Variants in MAMLD1 observed in about 807,000 individuals in gnomAD.
The protein encoded by MAMLD1 is mastermind like domain containing 1, also known as mastermind-like domain-containing protein 1.
A neutral mutation model predicts 45.0 loss-of-function variants in MAMLD1; 14 were observed. That is an observed-to-expected ratio of 0.31 (90% confidence interval 0.21 to 0.49). The LOEUF is 0.49. MAMLD1 is among the 20% of genes least tolerant of loss of function. The pLI is 0.99. For synonymous variants in MAMLD1, 254 were observed against 247.8 expected (o/e 1.02, Z -0.24); for missense variants, 543 against 603.6 (o/e 0.90, Z 1.05).
chrX:150,480,577 C>T (rs1050796903), intron 5 of MAMLD1, among the ~76,000 whole-genome samples: 12 of 111,883 alleles, frequency 1.1e-4, no homozygotes, highest in Middle Eastern at 4.7e-3. Flanking sequence ...ACTCTTAACT[C>T]TCATCTCAGC....
At chrX:150,403,961 A>AAAG (rs1380234145) in intron 1 of MAMLD1, among the ~76,000 whole-genome samples, 2 of 86,484 alleles carry the variant, frequency 2.3e-5, no homozygotes, top group Non-Finnish European at 4.5e-5. Flanking sequence ...AGAAAGAAAG[A>AAAG]AAGAAAGAAA....
chrX:150,473,759 G>C lies in MAMLD1; in HGVS notation c.1997G>C (p.Ser666Thr). 1 of 1,208,322 alleles carries C rather than the reference G, an allele frequency of 8.3e-7. No individual in the cohort carries two copies. Residue 666 changes from serine (S) to threonine (T), a missense_variant, in exon 5 of 8, where the codon AGC becomes ACC. Coordinates refer to ENST00000370401, the MANE Select transcript of MAMLD1 (RefSeq NM_005491.5). ...CATCAACACGGGAACTCTTTCACTA[G>C]CAGGCAAGATCCTCAGCCTGGAGAC... ...PQHQHGNSFT[S>T]RQDPQPGDVS...
intron 1 of MAMLD1, among the ~76,000 whole-genome samples, chrX:150,434,262 T>C (rs2035046642): frequency 9.0e-6 from 1 of 111,525 alleles, no homozygotes; most frequent in Non-Finnish European, 1.9e-5. Context: ...CCTTTTGTCA[T>C]TTTTTATTAT....
At chrX:150,437,142 T>A (rs1412283873) in intron 1 of MAMLD1, among the ~76,000 whole-genome samples, 1 of 111,095 alleles carries the variant, frequency 9.0e-6, no homozygotes, top group Non-Finnish European at 1.9e-5. Context: ...AACACTGCAA[T>A]GGATGGTGCC....
intron 1 of MAMLD1, among the ~76,000 whole-genome samples, chrX:150,413,072 C>CT (rs1471866843): frequency 9.0e-6 from 1 of 111,222 alleles, no homozygotes; most frequent in African/African-American, 3.3e-5. Context: ...CCTATCACAA[C>CT]TCTCCTTTAG....
intron 2 of MAMLD1, 68 bp from the exon 3 acceptor site, chrX:150,462,704 C>A (rs1389347371): frequency 1.4e-6 from 1 of 721,239 alleles, no homozygotes; most frequent in South Asian, 2.1e-5. Flanking sequence ...TCTCACTGAG[C>A]TGGTGCAGGT....
At position 150,445,620 on chromosome X, in the gene MAMLD1, A is replaced by G; in HGVS notation, c.96+8A>G. ...AGAAAGCTCCAGGAATCGGTCAGAC[A>G]ATGGGCCATGGGGGGAGGGGGGTAT... On this transcript the variant is annotated splice_region_variant and intron_variant, in intron 2 of 7. Coordinates refer to ENST00000370401, the MANE Select transcript of MAMLD1 (RefSeq NM_005491.5). 8.7e-7 allele frequency: 1 copy of G among 1,153,005 alleles called. No individual in the cohort carries two copies. Among genetic ancestry groups the G allele is most frequent in the East Asian group, 3.0e-5 (1 of 33,558 alleles).
intron 6 of MAMLD1, chrX:150,509,287 C>A (rs1397579332): frequency 1.8e-5 from 2 of 112,805 alleles, no homozygotes; most frequent in South Asian, 3.7e-4. Context: ...CCAGGACCAC[C>A]AGGAACAAGC....
chrX:150,386,505 G>T (rs1377913614), intron 1 of MAMLD1, among the ~76,000 whole-genome samples: 1 of 111,433 alleles, frequency 9.0e-6, no homozygotes, highest in Non-Finnish European at 1.9e-5. Context: ...AATATCAAAA[G>T]AACTTTAAAA....
At chrX:150,467,532 T>C (rs2036261432) in intron 3 of MAMLD1, among the ~76,000 whole-genome samples, 1 of 112,668 alleles carries the variant, frequency 8.9e-6, no homozygotes, top group Admixed American at 9.4e-5. Context: ...ACCCATGGTA[T>C]TCAGGCCTCA....
At chrX:150,418,294 T>G (rs2034338573) in intron 1 of MAMLD1, among the ~76,000 whole-genome samples, 1 of 111,498 alleles carries the variant, frequency 9.0e-6, no homozygotes, top group Non-Finnish European at 1.9e-5. Flanking sequence ...ATCCCTTTTA[T>G]CATTTTTTAT....
chrX:150,500,355 C>T (rs1009933041), intron 5 of MAMLD1, among the ~76,000 whole-genome samples: 12 of 111,141 alleles, frequency 1.1e-4, no homozygotes, highest in African/African-American at 3.9e-4. Flanking sequence ...ACTGGGGGTA[C>T]GTGACATTAT....
In MAMLD1 at chrX:150,365,653, C is replaced by T. The variant is rs1409102421; in HGVS notation, c.-64+2123C>T. Among the ~76,000 whole-genome samples, 5 of 113,343 alleles carry T rather than the reference C, an allele frequency of 4.4e-5. 1 individual carries two copies. Among genetic ancestry groups the T allele is most frequent in the Non-Finnish European group, 5.6e-5 (3 of 53,377 alleles). ...AGGCCACCCGCGTCTGGCTACACGC[C>T]TCATTTCTTCCCGCGCCCTCCTGCC... On this transcript the variant is annotated intron_variant, in intron 1 of 7. Transcript: ENST00000370401.
At chrX:150,452,322 C>T (rs1043304982) in intron 2 of MAMLD1, among the ~76,000 whole-genome samples, 10 of 111,986 alleles carry the variant, frequency 8.9e-5, no homozygotes, top group South Asian at 3.8e-4. Context: ...TTGGGGTTAC[C>T]AAGATGAATA....
At chrX:150,368,880 G>A (rs1251309772) in intron 1 of MAMLD1, among the ~76,000 whole-genome samples, 7 of 111,734 alleles carry the variant, frequency 6.3e-5, no homozygotes, top group Non-Finnish European at 1.3e-4. Context: ...GTAGATGTGT[G>A]GTATTATTTC....
intron 6 of MAMLD1, chrX:150,504,847 G>A (rs1557408751): frequency 2.7e-6 from 2 of 752,526 alleles, no homozygotes; most frequent in Admixed American, 8.8e-5. Context: ...TGAGGGTCAG[G>A]CCTGGCATCC....
Position 150,503,503 on chromosome X carries a change from G to C in MAMLD1, c.2270G>C (p.Ser757Thr), listed in dbSNP as rs1557408668. 8.9e-7 allele frequency: 1 copy of C among 1,122,082 alleles called. No homozygotes were observed. The highest frequency in any genetic ancestry group is 1.2e-6 in the Non-Finnish European group (1 of 818,338). 92.5% of individuals were successfully genotyped at this position (1,122,082 alleles called of 1,213,427 possible). ...CAGGTGCCCGCTCCACTACTGCCTAGCTGCGACGCCACAGGTAAGTCACTT... is the reference window on the plus strand; with the variant it reads ...CAGGTGCCCGCTCCACTACTGCCTACCTGCGACGCCACAGGTAAGTCACTT... ...WRQVPAPLLP[S>T]CDATARGTEI... Residue 757 changes from serine to threonine, a missense_variant, in exon 6 of 8, where the codon AGC becomes ACC. Ser to Thr is a moderately conservative substitution (Grantham distance 58, BLOSUM62 1). Coordinates refer to ENST00000370401, the MANE Select transcript of MAMLD1 (RefSeq NM_005491.5).
intron 6 of MAMLD1, among the ~76,000 whole-genome samples, chrX:150,507,840 T>C (rs2037778354): frequency 8.9e-6 from 1 of 112,290 alleles, no homozygotes; most frequent in African/African-American, 3.2e-5. Flanking sequence ...CTTCCCCTGC[T>C]GTTTCCTTAG....
chrX:150,430,019 C>CTTTTTTTTTTTTTTTTTTTTTTTTTT (rs1174092962), intron 1 of MAMLD1, among the ~76,000 whole-genome samples: 159 of 49,202 alleles, frequency 3.2e-3, no homozygotes, highest in East Asian at 5.7e-3. Flanking sequence ...TCTTTCTTTT[C>CTTTTTTTTTTTTTTTTTTTTTTTTTT]TTTTTTTTTT....
Sources: allele counts gnomAD v4.1 joint callset (sites outside exome capture counted in the v4.1 genomes callset), GRCh38; gene constraint gnomAD v4.1.1; transcripts MANE v1.5; gene names NCBI Gene and HGNC (gene_info 2026-07-23, HGNC 2026-07-21).